The following PPP2R2B variants were observed in gnomAD, a reference collection of about 807,000 sequenced individuals.
PPP2R2B encodes the protein serine/threonine-protein phosphatase 2A 55 kDa regulatory subunit B beta isoform.
PPP2R2B carries 5 observed loss-of-function variants against 46.0 expected under a neutral mutation model. The ratio of observed to expected loss-of-function variants is 0.11; its 90% CI spans 0.06 to 0.23. The LOEUF (loss-of-function observed/expected upper bound fraction) is 0.23. Ranked by LOEUF, PPP2R2B falls within the 10% of genes least tolerant of loss-of-function variation. PPP2R2B has a pLI of 1.00. For missense variants in PPP2R2B, 367 were observed against 575.0 expected (o/e 0.64, Z 3.70); for synonymous variants, 215 against 206.7 (o/e 1.04, Z -0.34).
chr5:146,829,811 G>A (rs1193571325), intron 2 of PPP2R2B, among the ~76,000 whole-genome samples: 2 of 151,948 alleles, frequency 1.3e-5, no homozygotes, highest in African/African-American at 4.8e-5. Flanking sequence ...TTTTTTTTAA[G>A]TAAAAAACAG....
intron 2 of PPP2R2B, among the ~76,000 whole-genome samples, chr5:146,731,121 A>T (rs947178300): frequency 2.0e-5 from 3 of 152,208 alleles, no homozygotes; most frequent in African/African-American, 4.8e-5. Context: ...AGCTAATCCA[A>T]CAATCATATT....
chr5:146,931,639 A>G (rs1763972857), intron 1 of PPP2R2B, among the ~76,000 whole-genome samples: 1 of 152,154 alleles, frequency 6.6e-6, no homozygotes, highest in Non-Finnish European at 1.5e-5. Flanking sequence ...AATTGAAGTC[A>G]CTTTTAGCTT....
intron 1 of PPP2R2B, among the ~76,000 whole-genome samples, chr5:147,035,437 C>T (rs1312657741): frequency 1.3e-5 from 2 of 152,102 alleles, no homozygotes; most frequent in Admixed American, 6.6e-5. Context: ...TGGGGACACA[C>T]AGCCAAACCA....
intron 1 of PPP2R2B, among the ~76,000 whole-genome samples, chr5:146,915,559 G>A (rs957555373): frequency 1.3e-5 from 2 of 152,000 alleles, no homozygotes; most frequent in Admixed American, 1.3e-4. Context: ...AGCACTCCAG[G>A]CATTCAGCCC....
chr5:146,615,515 T>TAAAAAAAAAAAAAAAAAAAAAAAAAATA (rs1364774106), intron 7 of PPP2R2B, among the ~76,000 whole-genome samples: 1 of 71,032 alleles, frequency 1.4e-5, no homozygotes, highest in African/African-American at 4.6e-5. Flanking sequence ...AAAAAAAAAT[T>TAAAAAAAAAAAAAAAAAAAAAAAAAATA]AAAAAAAAAA....
chr5:146,943,018 C>T (rs543420254), intron 1 of PPP2R2B, among the ~76,000 whole-genome samples: 11 of 152,196 alleles, frequency 7.2e-5, no homozygotes, highest in Admixed American at 5.9e-4. Flanking sequence ...AGGATGGTCT[C>T]GATCTCCTGA....
intron 1 of PPP2R2B, among the ~76,000 whole-genome samples, chr5:146,897,122 A>G (rs796288262): frequency 2.0e-5 from 3 of 152,196 alleles, no homozygotes; most frequent in Admixed American, 6.5e-5. Context: ...TAAGTGAACG[A>G]TGCATTTCAT....
intron 5 of PPP2R2B, among the ~76,000 whole-genome samples, chr5:146,678,817 C>A (rs1777923537): frequency 8.4e-6 from 1 of 118,478 alleles, no homozygotes. Context: ...AATAAAATAC[C>A]TAGGAATCCA....
intron 2 of PPP2R2B, among the ~76,000 whole-genome samples, chr5:146,748,185 T>C (rs764160897): frequency 2.6e-5 from 4 of 152,186 alleles, no homozygotes; most frequent in Admixed American, 6.5e-5. Context: ...AGGCTGCCCA[T>C]GGTCATTTAG....
At chr5:147,001,934 G>T (rs1222736861) in intron 1 of PPP2R2B, among the ~76,000 whole-genome samples, 3 of 152,114 alleles carry the variant, frequency 2.0e-5, no homozygotes, top group Admixed American at 2.0e-4. Context: ...AAGCCATTCA[G>T]CTTCAGGGTC....
intron 1 of PPP2R2B, among the ~76,000 whole-genome samples, chr5:146,985,655 T>C (rs1408389372): frequency 1.3e-5 from 2 of 152,180 alleles, no homozygotes; most frequent in East Asian, 3.9e-4. Context: ...CTCTAAGATC[T>C]TGAACAAGAC....
Position 146,999,249 on chromosome 5 carries a change from A to G in PPP2R2B, c.79+56416T>C, listed in dbSNP as rs147027598. ...ACAGTAGAATAAAGATATTGATTAA[A>G]TGGTCACACAAATAAATGTAAAATA... On this transcript the variant is annotated intron_variant, in intron 1 of 8. Coordinates refer to the PPP2R2B transcript ENST00000336640. Among the ~76,000 whole-genome samples the G allele has an allele frequency of 1.2e-4, 19 of 152,310 alleles. 1 individual carries two copies. In the East Asian group the frequency reaches 3.3e-3, roughly 26 times the overall value.
chr5:146,701,783 A>G (rs1399691015), intron 2 of PPP2R2B, among the ~76,000 whole-genome samples: 1 of 152,192 alleles, frequency 6.6e-6, no homozygotes, highest in Non-Finnish European at 1.5e-5. Context: ...AAACAAGGTC[A>G]TAAGGGCAGA....
chr5:146,802,757 A>C (rs559422418), intron 2 of PPP2R2B, among the ~76,000 whole-genome samples: 7 of 152,286 alleles, frequency 4.6e-5, no homozygotes, highest in Non-Finnish European at 8.8e-5. Flanking sequence ...TGGGATAAGT[A>C]TATAGTGAGG....
At chr5:146,791,313 T>C (rs944930999) in intron 2 of PPP2R2B, among the ~76,000 whole-genome samples, 1 of 152,214 alleles carries the variant, frequency 6.6e-6, no homozygotes, top group Admixed American at 6.5e-5. Flanking sequence ...AATCTTTTTC[T>C]GCTTCTTATA....
intron 2 of PPP2R2B, among the ~76,000 whole-genome samples, chr5:146,730,162 T>C (rs960934420): frequency 2.8e-4 from 43 of 152,218 alleles, no homozygotes; most frequent in African/African-American, 9.2e-4. Context: ...GAGATCATTT[T>C]GGAGCTTTAA....
At chr5:146,748,752 T>A (rs995382223) in intron 2 of PPP2R2B, among the ~76,000 whole-genome samples, 7 of 152,232 alleles carry the variant, frequency 4.6e-5, no homozygotes, top group Admixed American at 2.0e-4. Flanking sequence ...GGTATGGACG[T>A]ACCACAGTTT....
At chr5:146,973,515 T>A (rs1386253544) in intron 1 of PPP2R2B, among the ~76,000 whole-genome samples, 1 of 152,160 alleles carries the variant, frequency 6.6e-6, no homozygotes, top group Non-Finnish European at 1.5e-5. Flanking sequence ...AGGGTGCAGA[T>A]CCTTGAGTCA....
chr5:146,806,484 A>G (rs1757185617), intron 2 of PPP2R2B, among the ~76,000 whole-genome samples: 1 of 152,158 alleles, frequency 6.6e-6, no homozygotes, highest in Non-Finnish European at 1.5e-5. Flanking sequence ...AAAAAAGAAA[A>G]AAAAGAGGTA....
Sources: allele counts gnomAD v4.1 joint callset (sites outside exome capture counted in the v4.1 genomes callset), GRCh38; gene constraint gnomAD v4.1.1; transcripts MANE v1.5; gene names NCBI Gene and HGNC (gene_info 2026-07-23, HGNC 2026-07-21).